TLN2: variants seen among roughly 807,000 people sequenced by gnomAD.
TLN2 encodes talin-2.
In TLN2, 118 loss-of-function variants were observed where a neutral mutation model predicts 294.7. The ratio of observed to expected loss-of-function variants is 0.40; its 90% CI spans 0.34 to 0.47. The LOEUF is 0.47. Among genes scored for constraint, TLN2 ranks in the 20% least tolerant of loss-of-function variants. TLN2 has a pLI of 0.84. For missense variants in TLN2, 3,083 were observed against 3,282.2 expected, an observed-to-expected ratio of 0.94 and a Z score of 1.48; for synonymous variants, 1,431 against 1,304.5, an observed-to-expected ratio of 1.10 and a Z score of -2.09.
intron 2 of TLN2, among the ~76,000 whole-genome samples, chr15:62,605,539 A>G (rs1366661080): frequency 6.6e-6 from 1 of 152,156 alleles, no homozygotes; most frequent in African/African-American, 2.4e-5. Context: ...TATCCCCAGC[A>G]CCATCTTTTC....
chr15:62,603,458 C>T (rs1407293355), intron 2 of TLN2, among the ~76,000 whole-genome samples: 1 of 151,530 alleles, frequency 6.6e-6, no homozygotes, highest in Non-Finnish European at 1.5e-5. Flanking sequence ...AGAGAGAGTC[C>T]TCACTCCTTT....
chr15:62,779,762 T>G (rs2063991749), intron 43 of TLN2, among the ~76,000 whole-genome samples: 1 of 152,252 alleles, frequency 6.6e-6, no homozygotes, highest in South Asian at 2.1e-4. Context: ...CCCCGTGCCG[T>G]GATGGGGATA....
chr15:62,767,697 G>A (rs958296980), intron 41 of TLN2, among the ~76,000 whole-genome samples: 2 of 152,210 alleles, frequency 1.3e-5, no homozygotes, highest in East Asian at 3.8e-4. Context: ...GGGCTTGTCC[G>A]TCTGTCTGAA....
intron 51 of TLN2, among the ~76,000 whole-genome samples, chr15:62,806,435 T>G (rs2066292222): frequency 6.6e-6 from 1 of 152,222 alleles, no homozygotes; most frequent in African/African-American, 2.4e-5. Flanking sequence ...GGAAAATGTT[T>G]GCTCTTCCGC....
rs1009278723 is a variant in TLN2 at position 62,763,617 on chromosome 15, G to A, written c.5016G>A (p.Arg1672=). Residue 1672 remains arginine, a synonymous_variant, in exon 40 of 59, where the codon CGG becomes CGA. Coordinates refer to ENST00000636159, the MANE Select transcript of TLN2 (RefSeq NM_015059.3). ...ECDYSIDGIN[R]CIRDIEQASL... ...ATTACTCCATCGATGGCATCAACCG[G>A]TGCATCCGGGACATCGAGCAGGCCT... 6.2e-7 allele frequency: 1 copy of A among 1,613,728 alleles called. No homozygotes were observed. Among genetic ancestry groups the A allele is most frequent in the Non-Finnish European group, 8.5e-7 (1 of 1,179,876 alleles).
intron 1 of TLN2, among the ~76,000 whole-genome samples, chr15:62,438,112 G>C (rs1434761703): frequency 6.6e-6 from 1 of 152,162 alleles, no homozygotes; most frequent in Non-Finnish European, 1.5e-5. Flanking sequence ...TTACAAGCCA[G>C]CCTTGGTCAG....
chr15:62,457,007 A>G (rs117763695), intron 1 of TLN2, among the ~76,000 whole-genome samples: 1 of 152,338 alleles, frequency 6.6e-6, no homozygotes, highest in East Asian at 1.9e-4. Context: ...TGAATGCTTG[A>G]CACACTGTTT....
At chr15:62,755,814 CTT>C (rs1273917176) in intron 37 of TLN2, 121 bp downstream of exon 37, 1 of 1,326,660 alleles carries the variant, frequency 7.5e-7, no homozygotes, top group Non-Finnish European at 1.0e-6. Context: ...CTAATTCAGT[CTT>C]ATGGTTTGTG....
chr15:62,463,702 G>A (rs1332645468), intron 1 of TLN2, among the ~76,000 whole-genome samples: 1 of 152,106 alleles, frequency 6.6e-6, no homozygotes, highest in Non-Finnish European at 1.5e-5. Flanking sequence ...TGGCTAACAC[G>A]GTGAAACCCC....
chr15:62,651,311 A>C (rs1224437521), intron 5 of TLN2, among the ~76,000 whole-genome samples: 2 of 152,170 alleles, frequency 1.3e-5, no homozygotes, highest in African/African-American at 4.8e-5. Flanking sequence ...CAATTTCACT[A>C]TCAAATTTTT....
At chr15:62,791,420 A>G (rs938834101) in intron 45 of TLN2, among the ~76,000 whole-genome samples, 2 of 152,330 alleles carry the variant, frequency 1.3e-5, no homozygotes, top group South Asian at 4.1e-4. Flanking sequence ...GATCACGAGA[A>G]TATTCTACTA....
intron 1 of TLN2, among the ~76,000 whole-genome samples, chr15:62,567,745 A>C (rs1046164127): frequency 2.0e-5 from 3 of 152,102 alleles, no homozygotes; most frequent in Non-Finnish European, 4.4e-5. Context: ...GGGTTGAGGA[A>C]GGAGAATTGC....
Position 62,707,271 on chromosome 15 carries a change from C to T in TLN2, c.2172+18C>T. ...GTGCCAAGGTAAGCCAGCTGGCACC[C>T]CAGCCCTTTCTACCCAGTATCACCT... is the stretch of plus-strand genomic sequence containing the variant. On this transcript the variant is annotated intron_variant, in intron 20 of 58. Transcript: ENST00000636159. 1 of 1,597,952 alleles carries T rather than the reference C, an allele frequency of 6.3e-7. No individual in the cohort carries two copies. The highest frequency in any genetic ancestry group is 8.6e-7 in the Non-Finnish European group (1 of 1,169,232).
intron 2 of TLN2, among the ~76,000 whole-genome samples, chr15:62,609,795 G>C (rs1324073887): frequency 6.6e-6 from 1 of 152,110 alleles, no homozygotes; most frequent in Non-Finnish European, 1.5e-5. Context: ...AGGGTCCTTT[G>C]AAACTATGTA....
chr15:62,594,911 G>C (rs1258530553), intron 2 of TLN2, among the ~76,000 whole-genome samples: 1 of 152,028 alleles, frequency 6.6e-6, no homozygotes, highest in African/African-American at 2.4e-5. Flanking sequence ...TCTGATAAGG[G>C]GTTACTATGC....
chr15:62,711,171 G>T (rs2059409855), intron 21 of TLN2, among the ~76,000 whole-genome samples: 1 of 152,196 alleles, frequency 6.6e-6, no homozygotes, highest in Non-Finnish European at 1.5e-5. Flanking sequence ...GCTAGAGGAA[G>T]ATTTCTTGCT....
At chr15:62,404,594 A>G (rs760289821) in intron 1 of TLN2, among the ~76,000 whole-genome samples, 4 of 152,052 alleles carry the variant, frequency 2.6e-5, no homozygotes, top group Non-Finnish European at 5.9e-5. Flanking sequence ...CTTCATTTGC[A>G]TTGCTTCAAT....
At chr15:62,495,231 AG>A (rs1476469854) in intron 1 of TLN2, among the ~76,000 whole-genome samples, 1 of 152,160 alleles carries the variant, frequency 6.6e-6, no homozygotes, top group African/African-American at 2.4e-5. Context: ...TGACCCTCCT[AG>A]GACCTAAGAA....
chr15:62,573,775 C>CTTTTT (rs58692120), intron 1 of TLN2, among the ~76,000 whole-genome samples: 1 of 145,066 alleles, frequency 6.9e-6, no homozygotes, highest in African/African-American at 2.5e-5. Flanking sequence ...CTTCCTTTTT[C>CTTTTT]TTTTTTTTTT....
Sources: allele counts gnomAD v4.1 joint callset (sites outside exome capture counted in the v4.1 genomes callset), GRCh38; gene constraint gnomAD v4.1.1; transcripts MANE v1.5; gene names NCBI Gene and HGNC (gene_info 2026-07-23, HGNC 2026-07-21).